UBE2G1: variants seen among roughly 807,000 people sequenced by gnomAD.
The protein encoded by UBE2G1 is ubiquitin-conjugating enzyme E2 G1.
Under a neutral mutation model 22.7 loss-of-function variants are expected in UBE2G1, and 5 were observed. That is an observed-to-expected ratio of 0.22 (90% confidence interval 0.12 to 0.46). The LOEUF (loss-of-function observed/expected upper bound fraction) is 0.46, where lower values mean the gene tolerates loss of function less well. UBE2G1 is among the 20% of genes least tolerant of loss of function. The pLI, the probability that UBE2G1 is intolerant of heterozygous loss-of-function variation, is 0.99. For synonymous variants in UBE2G1, 74 were observed against 67.5 expected (o/e 1.10, Z -0.47); for missense variants, 88 against 203.9 (o/e 0.43, Z 3.46).
chr17:4,306,082 C>G (rs957058653), intron 2 of UBE2G1, among the ~76,000 whole-genome samples: 1 of 152,168 alleles, frequency 6.6e-6, no homozygotes, highest in Non-Finnish European at 1.5e-5. Flanking sequence ...CAATAACTTT[C>G]AATAAACTAG....
intron 2 of UBE2G1, among the ~76,000 whole-genome samples, 198 bp from the exon 3 acceptor site, chr17:4,297,012 T>G (rs749641614): frequency 1.6e-4 from 24 of 152,194 alleles, no homozygotes; most frequent in Admixed American, 6.5e-5. Flanking sequence ...TGATTAAACT[T>G]TCAAGAGAGC....
intron 1 of UBE2G1, among the ~76,000 whole-genome samples, chr17:4,349,992 G>C (rs1323449596): frequency 6.6e-6 from 1 of 152,134 alleles, no homozygotes; most frequent in African/African-American, 2.4e-5. Context: ...TCACCATCTT[G>C]CTCAGGCTGG....
chr17:4,289,433 T>A lies in UBE2G1; in HGVS notation c.248-25A>T, dbSNP rs200878022. ...ACTGCAAAATTCAAGAAGAGGCTTG[T>A]TTCATATATTACTAATTTGGTTATA... On this transcript the variant is annotated intron_variant, in intron 3 of 5. Transcript: ENST00000396981. 8 of 1,478,000 alleles carry A rather than the reference T, an allele frequency of 5.4e-6. No homozygotes were observed. The Admixed American group carries it at 2.0e-4, about 36-fold the overall frequency. 91.6% of individuals were successfully genotyped at this position (1,478,000 alleles called of 1,614,324 possible). A position where few individuals can be genotyped will look rare whatever the true frequency, so the allele number is the denominator to read the frequency against.
intron 1 of UBE2G1, among the ~76,000 whole-genome samples, chr17:4,316,995 T>C (rs1447784057): frequency 6.6e-6 from 1 of 150,862 alleles, no homozygotes; most frequent in African/African-American, 2.4e-5. Context: ...TCCGAACACT[T>C]TGGGAGGCCG....
intron 1 of UBE2G1, among the ~76,000 whole-genome samples, chr17:4,344,786 A>C (rs1969750816): frequency 6.6e-6 from 1 of 152,158 alleles, no homozygotes; most frequent in Non-Finnish European, 1.5e-5. Flanking sequence ...ACTTGAGCCC[A>C]GGGGTTTGAG....
intron 1 of UBE2G1, among the ~76,000 whole-genome samples, chr17:4,330,872 G>T (rs1026309733): frequency 6.6e-6 from 1 of 151,522 alleles, no homozygotes; most frequent in Non-Finnish European, 1.5e-5. Flanking sequence ...GGGATTACAG[G>T]CATGATGAGC....
chr17:4,319,340 G>A (rs1321246134), intron 1 of UBE2G1, among the ~76,000 whole-genome samples: 2 of 152,140 alleles, frequency 1.3e-5, no homozygotes, highest in Non-Finnish European at 2.9e-5. Flanking sequence ...TGGGTGGGTG[G>A]AACCAACCAG....
At chr17:4,330,275 A>T (rs1969556885) in intron 1 of UBE2G1, among the ~76,000 whole-genome samples, 1 of 152,116 alleles carries the variant, frequency 6.6e-6, no homozygotes. Flanking sequence ...ATTGTTTCTA[A>T]ATCAACTGCC....
intron 4 of UBE2G1, among the ~76,000 whole-genome samples, chr17:4,283,205 G>A (rs917791236): frequency 3.9e-5 from 6 of 152,180 alleles, no homozygotes; most frequent in African/African-American, 9.6e-5. Context: ...GAAATAGAAA[G>A]CTAAAATATA....
In UBE2G1 at chr17:4,271,391, T is replaced by C. The variant is rs1021451805; in HGVS notation, c.*1163A>G. The C allele has an allele frequency of 3.9e-5, 6 of 152,664 alleles. No individual in the cohort carries two copies. The highest frequency in any genetic ancestry group is 1.4e-4 in the African/African-American group (6 of 41,468). 9.5% of individuals were successfully genotyped at this position (152,664 alleles called of 1,614,324 possible). A position where few individuals can be genotyped will look rare whatever the true frequency, so the allele number is the denominator to read the frequency against. On this transcript the variant is annotated 3_prime_UTR_variant, in exon 6 of 6. Coordinates refer to ENST00000396981, the MANE Select transcript of UBE2G1 (RefSeq NM_003342.5). The stretch of plus-strand genomic sequence containing the variant: ...ACCACTTCTCTGGCACTCAGTATTA[T>C]AGCCTTCATTCAATACAATAAAAGC...
At chr17:4,304,828 G>T (rs539799891) in intron 2 of UBE2G1, among the ~76,000 whole-genome samples, 13 of 152,078 alleles carry the variant, frequency 8.5e-5, no homozygotes, top group African/African-American at 3.1e-4. Context: ...TTATTTAAAC[G>T]TAAGGTGTAT....
chr17:4,283,066 G>T, intron 4 of UBE2G1, 145 bp from the exon 5 acceptor site: 5 of 672,378 alleles, frequency 7.4e-6, no homozygotes, highest in Non-Finnish European at 1.2e-5. Flanking sequence ...AAAGCAGTTA[G>T]ACATACTTTT....
intron 1 of UBE2G1, among the ~76,000 whole-genome samples, chr17:4,356,990 C>T (rs903658417): frequency 2.6e-5 from 4 of 152,080 alleles, no homozygotes; most frequent in Non-Finnish European, 5.9e-5. Flanking sequence ...ATGCTAACAC[C>T]CTGTATAACT....
At chr17:4,294,258 A>C (rs1042379513) in intron 3 of UBE2G1, among the ~76,000 whole-genome samples, 3 of 152,128 alleles carry the variant, frequency 2.0e-5, no homozygotes, top group Non-Finnish European at 2.9e-5. Flanking sequence ...TCTACTAAAA[A>C]TACAAAAATT....
chr17:4,313,643 C>T (rs1469271192), intron 1 of UBE2G1, among the ~76,000 whole-genome samples: 3 of 152,090 alleles, frequency 2.0e-5, no homozygotes, highest in Non-Finnish European at 4.4e-5. Context: ...CTCTCTCTCT[C>T]TGTCTTTTGG....
At chr17:4,276,736 G>A (rs187257263) in intron 5 of UBE2G1, among the ~76,000 whole-genome samples, 4 of 152,272 alleles carry the variant, frequency 2.6e-5, no homozygotes, top group East Asian at 1.9e-4. Context: ...CCTAGGAAAC[G>A]GATTCTGAGG....
At chr17:4,366,141 C>G (rs1364974269) in intron 1 of UBE2G1, 130 bp downstream of exon 1, 1 of 976,790 alleles carries the variant, frequency 1.0e-6, no homozygotes, top group East Asian at 3.3e-5. Context: ...ACCGGAGCCT[C>G]GAGGTCCCCA....
chr17:4,352,634 A>G (rs1355893825), intron 1 of UBE2G1, among the ~76,000 whole-genome samples: 4 of 152,212 alleles, frequency 2.6e-5, no homozygotes, highest in Admixed American at 2.0e-4. Context: ...GAAAAGCTAT[A>G]GTCATGACAG....
In UBE2G1 at chr17:4,272,420, C is replaced by T. The variant is rs544224267; in HGVS notation, c.*134G>A. On this transcript the variant is annotated 3_prime_UTR_variant, in exon 6 of 6. Transcript: ENST00000396981. ...GATAACTGGCATGTTTTATTGCAGC[C>T]CAGTTCCAGCCAGTGTTTGCCAACT... 4.6e-4 allele frequency: 85 copies of T among 186,722 alleles called. No individual in the cohort carries two copies. The highest frequency in any genetic ancestry group is 1.9e-3 in the African/African-American group (79 of 41,674). The allele number at this position is 186,722 out of a possible 1,614,324, so 11.6% of individuals were successfully genotyped here.
Sources: gnomAD v4.1 joint callset for allele counts (sites outside exome capture counted in the v4.1 genomes callset) on GRCh38, gnomAD v4.1.1 for gene constraint, MANE v1.5 for transcripts, NCBI Gene and HGNC (gene_info 2026-07-23, HGNC 2026-07-21) for gene names.